Variants in CFTR observed in about 807,000 individuals in gnomAD.
CFTR encodes cystic fibrosis transmembrane conductance regulator.
CFTR carries 181 observed loss-of-function variants against 171.6 expected under a neutral mutation model. The observed-to-expected ratio is 1.05, with a 90% CI of 0.93 to 1.19. The LOEUF is 1.19. Among genes scored for constraint, CFTR ranks in the 50% most tolerant of loss-of-function variants. CFTR has a pLI of 0.00. For missense variants in CFTR, 1,968 were observed against 1,734.7 expected (o/e 1.13, Z -2.39); for synonymous variants, 583 against 608.0 (o/e 0.96, Z 0.60).
intron 11 of CFTR, among the ~76,000 whole-genome samples, chr7:117,576,082 T>G (rs1791764979): frequency 6.6e-6 from 1 of 152,168 alleles, no homozygotes; most frequent in Non-Finnish European, 1.5e-5. Context: ...TTGTGTAAGT[T>G]AAGAATCTAA....
intron 20 of CFTR, among the ~76,000 whole-genome samples, chr7:117,613,176 T>C (rs1016790691): frequency 9.2e-5 from 14 of 152,160 alleles, no homozygotes; most frequent in African/African-American, 3.4e-4. Flanking sequence ...TATTTGAAAA[T>C]AAGATCAAAG....
intron 2 of CFTR, among the ~76,000 whole-genome samples, chr7:117,507,143 G>T (rs1562883451): frequency 6.6e-6 from 1 of 152,152 alleles, no homozygotes; most frequent in Non-Finnish European, 1.5e-5. Context: ...CTTCTGATCT[G>T]GGCCTGGTAT....
intron 21 of CFTR, among the ~76,000 whole-genome samples, chr7:117,621,713 T>C (rs1185233876): frequency 6.6e-6 from 1 of 152,208 alleles, no homozygotes. Flanking sequence ...TATTTTGATT[T>C]GTTGTTTTGG....
chr7:117,648,446 G>T (rs1188735714), intron 23 of CFTR, among the ~76,000 whole-genome samples: 1 of 152,108 alleles, frequency 6.6e-6, no homozygotes, highest in African/African-American at 2.4e-5. Context: ...TTGTCACCGG[G>T]TGAGTAATGG....
At chr7:117,496,406 G>A (rs1798240801) in intron 1 of CFTR, among the ~76,000 whole-genome samples, 1 of 152,018 alleles carries the variant, frequency 6.6e-6, no homozygotes, top group Non-Finnish European at 1.5e-5. Flanking sequence ...GTCTTGTTAT[G>A]TTGTCTAGGC....
chr7:117,497,624 A>G (rs1370710304), intron 1 of CFTR, among the ~76,000 whole-genome samples: 1 of 152,200 alleles, frequency 6.6e-6, no homozygotes, highest in Non-Finnish European at 1.5e-5. Context: ...TTTCAATAAC[A>G]GATTTGTAGT....
intron 3 of CFTR, among the ~76,000 whole-genome samples, chr7:117,518,021 A>G (rs564242541): frequency 2.6e-4 from 40 of 152,034 alleles, no homozygotes; most frequent in South Asian, 1.9e-3. Context: ...CTCTGATGAT[A>G]GTTTCTTTTG....
intron 1 of CFTR, among the ~76,000 whole-genome samples, chr7:117,481,860 A>G (rs1385111649): frequency 6.6e-6 from 1 of 152,172 alleles, no homozygotes; most frequent in Non-Finnish European, 1.5e-5. Context: ...GAGTCAGATT[A>G]TTTTGATTCA....
rs397508699 is a variant in CFTR, at chr7:117,665,547, G to A, written c.4225G>A (p.Glu1409Lys). The change falls in exon 26 of 27, where the codon GAA becomes AAA. Residue 1409 changes from glutamate to lysine, a missense_variant. Glu to Lys is a moderately conservative substitution (Grantham distance 56). Transcript: ENST00000003084. Reference sequence around the variant, plus strand: ...TGAACACAGGATAGAAGCAATGCTGGAATGCCAACAATTTTTGGTGAGTCT... The same window carrying A: ...TGAACACAGGATAGAAGCAATGCTGAAATGCCAACAATTTTTGGTGAGTCT... ...LCEHRIEAML[E>K]CQQFLVIEEN... 7.4e-6 allele frequency: 12 copies of A among 1,611,338 alleles called. No homozygotes were observed. The East Asian group carries it at 1.8e-4, about 24-fold the overall frequency.
chr7:117,636,811 C>T (rs1320219967), intron 22 of CFTR, among the ~76,000 whole-genome samples: 1 of 151,562 alleles, frequency 6.6e-6, no homozygotes, highest in Non-Finnish European at 1.5e-5. Flanking sequence ...TCCATGAAAA[C>T]CTTTAGCTTT....
chr7:117,547,330 A>G (rs1392042934), intron 9 of CFTR, among the ~76,000 whole-genome samples: 2 of 152,130 alleles, frequency 1.3e-5, no homozygotes, highest in African/African-American at 4.8e-5. Context: ...TAAGTATGCT[A>G]TACATGGATT....
At chr7:117,560,281 G>A (rs889225284) in intron 11 of CFTR, among the ~76,000 whole-genome samples, 1 of 152,070 alleles carries the variant, frequency 6.6e-6, no homozygotes, top group Non-Finnish European at 1.5e-5. Flanking sequence ...ATTACATGAA[G>A]TATTCCAAGA....
intron 7 of CFTR, among the ~76,000 whole-genome samples, chr7:117,537,602 T>C (rs1208274310): frequency 2.0e-5 from 3 of 152,186 alleles, no homozygotes; most frequent in African/African-American, 7.2e-5. Flanking sequence ...GAGTCCAGTG[T>C]ACAATGGAAA....
At position 117,632,125 on chromosome 7, in the gene CFTR, C is replaced by G. The variant is rs75688678; in HGVS notation, c.3717+4355C>G. Among the ~76,000 whole-genome samples, 957 of 152,198 alleles carry G rather than the reference C, an allele frequency of 6.3e-3. 8 individuals carry two copies. Among genetic ancestry groups the G allele is most frequent in the African/African-American group, 0.022 (920 of 41,520 alleles). ...CCTTGAACCAGCATCACCTGTACCA[C>G]GTAAGAACTTATGAGAAATGTTCAT... On this transcript the variant is annotated intron_variant, in intron 22 of 26. Transcript: ENST00000003084.
At chr7:117,559,993 T>C (rs759423632) in intron 11 of CFTR, among the ~76,000 whole-genome samples, 3 of 152,096 alleles carry the variant, frequency 2.0e-5, no homozygotes, top group South Asian at 2.1e-4. Flanking sequence ...ATGTGGTATC[T>C]TTTTAAAAGA....
chr7:117,572,830 T>A (rs2115977479), intron 11 of CFTR, among the ~76,000 whole-genome samples: 1 of 152,296 alleles, frequency 6.6e-6, no homozygotes, highest in South Asian at 2.1e-4. Flanking sequence ...ACCTCTAAAG[T>A]TCATGTTTCC....
chr7:117,580,270 CA>C (rs1164996542), intron 11 of CFTR, among the ~76,000 whole-genome samples: 1 of 151,868 alleles, frequency 6.6e-6, no homozygotes, highest in Non-Finnish European at 1.5e-5. Context: ...AGGCATTTCA[CA>C]GGAGAACAAT....
rs1562890588 is a variant in CFTR, at chr7:117,535,344, G to A, written c.676G>A (p.Gly226Arg). Residue 226 changes from glycine (G) to arginine (R), a missense_variant, in exon 6 of 27, where the codon GGA becomes AGA. Gly to Arg is a moderately radical substitution (Grantham distance 125, BLOSUM62 -2). Coordinates refer to ENST00000003084, the MANE Select transcript of CFTR (RefSeq NM_000492.4). ...WELLQASAFC[G>R]LGFLIVLALF... ...GTTGTTACAGGCGTCTGCCTTCTGT[G>A]GACTTGGTTTCCTGATAGTCCTTGC... 1 of 1,613,940 alleles carries A rather than the reference G, an allele frequency of 6.2e-7. No homozygotes were observed. Among genetic ancestry groups the A allele is most frequent in the East Asian group, 2.2e-5 (1 of 44,884 alleles).
At chr7:117,567,353 A>G (rs998744655) in intron 11 of CFTR, among the ~76,000 whole-genome samples, 1 of 152,174 alleles carries the variant, frequency 6.6e-6, no homozygotes, top group Non-Finnish European at 1.5e-5. Context: ...TAGGCTTCTG[A>G]CTCTATAGCC....
Sources: gnomAD v4.1 joint callset for allele counts (sites outside exome capture counted in the v4.1 genomes callset) on GRCh38, gnomAD v4.1.1 for gene constraint, MANE v1.5 for transcripts, NCBI Gene and HGNC (gene_info 2026-07-23, HGNC 2026-07-21) for gene names.